Variants in VPS13C observed in about 807,000 individuals in gnomAD.
The protein encoded by VPS13C is vacuolar protein sorting 13 homolog C.
A neutral mutation model predicts 456.8 loss-of-function variants in VPS13C; 358 were observed. That is an observed-to-expected ratio of 0.78 (90% CI 0.72 to 0.86). VPS13C has a LOEUF of 0.86. Ranked by LOEUF, VPS13C falls within the 40% of genes least tolerant of loss-of-function variation. VPS13C has a pLI of 0.00. For synonymous variants in VPS13C, 1,578 were observed against 1,486.7 expected (o/e 1.06, Z -1.41); for missense variants, 4,818 against 4,385.4 (o/e 1.10, Z -2.79).
At chr15:61,981,110 T>A (rs978867344) in intron 22 of VPS13C, among the ~76,000 whole-genome samples, 5 of 152,204 alleles carry the variant, frequency 3.3e-5, no homozygotes, top group African/African-American at 1.2e-4. Context: ...AAGGCAGATG[T>A]AATCCAGTCC....
intron 4 of VPS13C, among the ~76,000 whole-genome samples, chr15:62,034,495 T>C (rs888068275): frequency 6.6e-6 from 1 of 151,608 alleles, no homozygotes; most frequent in African/African-American, 2.4e-5. Flanking sequence ...TAAAATACTA[T>C]CATTTCGAAG....
At position 61,900,376 on chromosome 15, in the gene VPS13C, C is replaced by A. The variant is rs191290469; in HGVS notation, c.9105+6888G>T. Among the ~76,000 whole-genome samples the A allele has an allele frequency of 2.4e-4, 37 of 152,298 alleles. No individual in the cohort carries two copies. In the East Asian group the frequency reaches 6.9e-3, roughly 29 times the overall value. ...TATTTAGAAAACCCCACCGTCTCAG[C>A]CCAAAATCTCCTTAAGCTGATAAGC... On this transcript the variant is annotated intron_variant, in intron 66 of 84. Coordinates refer to ENST00000644861, the MANE Select transcript of VPS13C (RefSeq NM_020821.3).
At chr15:61,947,363 A>C in intron 42 of VPS13C, 54 bp from the exon 43 acceptor site, 1 of 1,307,796 alleles carries the variant, frequency 7.6e-7, no homozygotes, top group Non-Finnish European at 1.1e-6. Context: ...AATACAACAC[A>C]TACAATAACC....
intron 9 of VPS13C, among the ~76,000 whole-genome samples, chr15:62,020,239 T>C (rs923185647): frequency 6.6e-6 from 1 of 151,908 alleles, no homozygotes; most frequent in African/African-American, 2.4e-5. Flanking sequence ...AGCTTTTATT[T>C]CTTTCAAATC....
At chr15:62,026,426 T>TA (rs1226672728) in intron 6 of VPS13C, among the ~76,000 whole-genome samples, 2 of 152,058 alleles carry the variant, frequency 1.3e-5, no homozygotes, top group South Asian at 2.1e-4. Context: ...AGAAAAGTCT[T>TA]AAAGTACTAC....
At position 61,868,640 on chromosome 15, in the gene VPS13C, C is replaced by T; in HGVS notation, c.10863+19G>A. ...ATTAAAATTCCATTTCACTCGTGAC[C>T]ATGAAGAACAAAATTTACCTCAAGT... On this transcript the variant is annotated intron_variant, in intron 81 of 84. Transcript: ENST00000644861. 5.0e-6 allele frequency: 8 copies of T among 1,607,236 alleles called. No homozygotes were observed. Among genetic ancestry groups the T allele is most frequent in the Non-Finnish European group, 6.8e-6 (8 of 1,174,150 alleles).
chr15:61,977,178 C>A lies in VPS13C; in HGVS notation c.2312G>T (p.Arg771Leu). 3 of 1,554,526 alleles carry A rather than the reference C, an allele frequency of 1.9e-6. No homozygotes were observed. The highest frequency in any genetic ancestry group is 2.6e-6 in the Non-Finnish European group (3 of 1,154,912). ...ARAEETWKKCRFQHPSTMHIL... is the reference protein window; with the variant it reads ...ARAEETWKKCLFQHPSTMHIL... Reference sequence around the variant, plus strand: ...ATGCATAGTTGATGGATGCTGAAATCGACACTTTTTCCAGGTTTCCTCTTT... The same window carrying A: ...ATGCATAGTTGATGGATGCTGAAATAGACACTTTTTCCAGGTTTCCTCTTT... The change falls in exon 24 of 85, where the codon CGA (arginine) becomes CTA (leucine). Residue 771 changes from arginine (R) to leucine (L), a missense_variant. Physicochemically the swap from Arg to Leu is moderately radical, Grantham distance 102. Transcript: ENST00000644861.
At chr15:62,047,742 C>G (rs1238229455) in intron 1 of VPS13C, among the ~76,000 whole-genome samples, 1 of 152,144 alleles carries the variant, frequency 6.6e-6, no homozygotes, top group Non-Finnish European at 1.5e-5. Flanking sequence ...AAGTACTCTC[C>G]ACTAAACTGC....
intron 19 of VPS13C, among the ~76,000 whole-genome samples, chr15:61,984,304 G>A (rs910315647): frequency 6.6e-6 from 1 of 152,076 alleles, no homozygotes; most frequent in Admixed American, 6.5e-5. Flanking sequence ...AAGATCACAC[G>A]ACATGGATGA....
intron 3 of VPS13C, among the ~76,000 whole-genome samples, chr15:62,037,526 A>ATT (rs2048104878): frequency 1.8e-4 from 25 of 141,280 alleles, no homozygotes; most frequent in Admixed American, 4.5e-4. Context: ...AATATAATAA[A>ATT]TAATGCAAAA....
At chr15:61,876,902 T>C in intron 75 of VPS13C, 71 bp downstream of exon 75, 1 of 1,182,576 alleles carries the variant, frequency 8.5e-7, no homozygotes, top group Non-Finnish European at 1.2e-6. Context: ...CTGCACACTA[T>C]ACAGTCACAT....
At chr15:62,059,177 A>C (rs1338662302) in intron 1 of VPS13C, among the ~76,000 whole-genome samples, 5 of 152,198 alleles carry the variant, frequency 3.3e-5, no homozygotes, top group Non-Finnish European at 7.3e-5. Flanking sequence ...TTTTTCTCCT[A>C]CTTCATTAGG....
chr15:61,971,785 T>C (rs1183396947), intron 27 of VPS13C, among the ~76,000 whole-genome samples: 2 of 152,196 alleles, frequency 1.3e-5, no homozygotes, highest in Admixed American at 6.5e-5. Flanking sequence ...AAGAGAGAAG[T>C]TGAAGAAGGC....
intron 46 of VPS13C, 44 bp downstream of exon 46, chr15:61,941,719 C>T (rs1236367050): frequency 1.3e-6 from 2 of 1,512,218 alleles, no homozygotes; most frequent in Non-Finnish European, 8.9e-7. Context: ...GTATGAAAAT[C>T]CTATTTCTAG....
At chr15:61,891,660 C>A (rs1003879842) in intron 66 of VPS13C, among the ~76,000 whole-genome samples, 4 of 152,064 alleles carry the variant, frequency 2.6e-5, no homozygotes, top group East Asian at 3.9e-4. Flanking sequence ...TATGTTGATG[C>A]AATACTATTC....
chr15:61,916,451 G>T (rs1167906498), intron 60 of VPS13C, among the ~76,000 whole-genome samples: 1 of 152,120 alleles, frequency 6.6e-6, no homozygotes, highest in East Asian at 1.9e-4. Context: ...TTACTAGTCA[G>T]AGTAAAAAGT....
chr15:61,951,770 G>C (rs907468284), intron 39 of VPS13C, 54 bp downstream of exon 39: 12 of 1,524,530 alleles, frequency 7.9e-6, no homozygotes, highest in Admixed American at 3.9e-5. Flanking sequence ...TTGATAAAAA[G>C]GTAGGGATCA....
At chr15:61,868,876 A>C (rs1894791796) in intron 80 of VPS13C, 103 bp from the exon 81 acceptor site, 1 of 938,300 alleles carries the variant, frequency 1.1e-6, no homozygotes, top group South Asian at 1.8e-5. Context: ...AACAATCAGT[A>C]ATTTTAAATA....
At chr15:61,974,455 T>A (rs367693811) in intron 24 of VPS13C, 38 bp from the exon 25 acceptor site, 2 of 1,599,478 alleles carry the variant, frequency 1.3e-6, no homozygotes, top group Non-Finnish European at 1.7e-6. Context: ...TCAGCATCTC[T>A]ACATTACAAA....
Sources: gnomAD v4.1 joint callset for allele counts (sites outside exome capture counted in the v4.1 genomes callset) on GRCh38, gnomAD v4.1.1 for gene constraint, MANE v1.5 for transcripts, NCBI Gene and HGNC (gene_info 2026-07-23, HGNC 2026-07-21) for gene names.